The following MCPH1 variants were observed in gnomAD, a reference collection of about 807,000 sequenced individuals.
MCPH1 encodes the protein microcephalin 1.
In MCPH1, 104 loss-of-function variants were observed where a neutral mutation model predicts 84.5. The ratio of observed to expected loss-of-function variants is 1.23; its 90% CI spans 1.05 to 1.45. The LOEUF (loss-of-function observed/expected upper bound fraction) is 1.45. MCPH1 is among the 40% of genes most tolerant of loss of function. The pLI is 0.00. For synonymous variants in MCPH1, 514 were observed against 366.8 expected (o/e 1.40, Z -4.58); for missense variants, 1,498 against 1,005.7 (o/e 1.49, Z -6.62).
intron 3 of MCPH1, among the ~76,000 whole-genome samples, chr8:6,418,299 G>C (rs745705224): frequency 6.6e-6 from 1 of 152,126 alleles, no homozygotes; most frequent in African/African-American, 2.4e-5. Flanking sequence ...AAAAAGTGGT[G>C]ATGCCCAGAT....
Position 6,442,193 on chromosome 8 carries a change from G to A in MCPH1, c.670+37G>A, listed in dbSNP as rs1283100621. 5 of 1,299,480 alleles carry A rather than the reference G, an allele frequency of 3.8e-6. No individual in the cohort carries two copies. The African/African-American group carries it at 5.8e-5, about 15-fold the overall frequency. The allele number at this position is 1,299,480 out of a possible 1,614,324, so 80.5% of individuals were successfully genotyped here. On this transcript the variant is annotated intron_variant, in intron 7 of 13. Transcript: ENST00000344683. ...ATTTTCCTTTCTGTGATATGTTTAA[G>A]TTTTGAGAATAATATGATTTTCTGA...
At chr8:6,559,590 C>T (rs975699609) in intron 12 of MCPH1, among the ~76,000 whole-genome samples, 1 of 152,088 alleles carries the variant, frequency 6.6e-6, no homozygotes, top group Non-Finnish European at 1.5e-5. Flanking sequence ...TCTGTTTTAA[C>T]GTGTTCATAG....
chr8:6,413,011 A>G (rs1798758173), intron 2 of MCPH1, among the ~76,000 whole-genome samples: 1 of 152,198 alleles, frequency 6.6e-6, no homozygotes, highest in South Asian at 2.1e-4. Flanking sequence ...CATATTTCCA[A>G]GCATTGTACA....
At chr8:6,628,761 C>T (rs1366899380) in intron 13 of MCPH1, among the ~76,000 whole-genome samples, 7 of 152,198 alleles carry the variant, frequency 4.6e-5, no homozygotes, top group East Asian at 1.9e-4. Context: ...TCACAGCTGC[C>T]TTGCAGCTCT....
At chr8:6,538,644 C>A (rs1217910278) in intron 12 of MCPH1, among the ~76,000 whole-genome samples, 1 of 152,224 alleles carries the variant, frequency 6.6e-6, no homozygotes, top group African/African-American at 2.4e-5. Flanking sequence ...GTCCCACCAT[C>A]CCCCATTGCA....
intron 10 of MCPH1, 31 bp downstream of exon 10, chr8:6,477,662 T>TA: frequency 1.9e-6 from 3 of 1,592,458 alleles, no homozygotes; most frequent in Non-Finnish European, 2.6e-6. Flanking sequence ...CTGTTCAATG[T>TA]AAAATGTTAA....
chr8:6,416,118 G>A (rs1184068126), intron 3 of MCPH1, among the ~76,000 whole-genome samples: 1 of 152,166 alleles, frequency 6.6e-6, no homozygotes, highest in Non-Finnish European at 1.5e-5. Flanking sequence ...AAATGCAGGT[G>A]ATTGTTGTAT....
chr8:6,602,791 C>T (rs570906828), intron 12 of MCPH1, among the ~76,000 whole-genome samples: 23 of 152,114 alleles, frequency 1.5e-4, no homozygotes, highest in African/African-American at 5.3e-4. Flanking sequence ...CTGTTCTGAC[C>T]TCCCCACTCT....
chr8:6,615,274 C>T (rs3020259), intron 12 of MCPH1, among the ~76,000 whole-genome samples: 28 of 152,078 alleles, frequency 1.8e-4, no homozygotes, highest in Non-Finnish European at 3.4e-4. Flanking sequence ...AGTCCTCCCT[C>T]AATGCCCCAA....
intron 12 of MCPH1, among the ~76,000 whole-genome samples, chr8:6,579,744 A>C (rs529379513): frequency 6.6e-6 from 1 of 152,344 alleles, no homozygotes; most frequent in East Asian, 1.9e-4. Flanking sequence ...AGCTCTTTAC[A>C]GCCCCAAAGC....
In MCPH1 at chr8:6,644,961, C is replaced by G. The variant is rs1798142806; in HGVS notation, c.*1912C>G. On this transcript the variant is annotated 3_prime_UTR_variant, in exon 14 of 14. Coordinates refer to ENST00000344683, the MANE Select transcript of MCPH1 (RefSeq NM_024596.5). ...AAATCATCCCCTTATGATACTCATC[C>G]TCTAACAGCAATTGAACTTCAATAC... The G allele has an allele frequency of 1.3e-5, 2 of 152,182 alleles. No homozygotes were observed. Among genetic ancestry groups the G allele is most frequent in the African/African-American group, 4.8e-5 (2 of 41,436 alleles). 9.4% of individuals were successfully genotyped at this position (152,182 alleles called of 1,614,324 possible).
At chr8:6,433,380 C>T (rs1281335689) in intron 4 of MCPH1, among the ~76,000 whole-genome samples, 1 of 152,142 alleles carries the variant, frequency 6.6e-6, no homozygotes, top group African/African-American at 2.4e-5. Flanking sequence ...CACCTGTAAT[C>T]CCAGCACTTC....
chr8:6,551,387 G>T (rs759077804), intron 12 of MCPH1, among the ~76,000 whole-genome samples: 5 of 130,098 alleles, frequency 3.8e-5, no homozygotes, highest in Non-Finnish European at 7.5e-5. Context: ...TTATGTAACT[G>T]TAAACAAATT....
intron 11 of MCPH1, among the ~76,000 whole-genome samples, chr8:6,483,049 G>C (rs934600572): frequency 2.0e-5 from 3 of 152,200 alleles, no homozygotes; most frequent in Admixed American, 6.5e-5. Context: ...ACAGCAATTA[G>C]AGGTGACAGC....
chr8:6,582,668 A>G (rs1827649700), intron 12 of MCPH1, among the ~76,000 whole-genome samples: 1 of 151,876 alleles, frequency 6.6e-6, no homozygotes, highest in Non-Finnish European at 1.5e-5. Flanking sequence ...ATATCCCATT[A>G]CCCTGCCTTC....
In MCPH1 at chr8:6,559,680, A is replaced by C. The variant is rs117285986; in HGVS notation, c.2214+59751A>C. Among the ~76,000 whole-genome samples the C allele has an allele frequency of 3.7e-4, 56 of 152,326 alleles. No homozygotes were observed. In the East Asian group the frequency reaches 6.9e-3, roughly 19 times the overall value. ...TTCCATATTTCCTCTTATCAGAAAAAAAAATTCCTGTGGTCTCCTAGCAAA... is the reference window on the plus strand; with the variant it reads ...TTCCATATTTCCTCTTATCAGAAAACAAAATTCCTGTGGTCTCCTAGCAAA... On this transcript the variant is annotated intron_variant, in intron 12 of 13. Coordinates refer to ENST00000344683, the MANE Select transcript of MCPH1 (RefSeq NM_024596.5).
At chr8:6,457,789 C>G (rs552167886) in intron 9 of MCPH1, among the ~76,000 whole-genome samples, 6 of 152,132 alleles carry the variant, frequency 3.9e-5, no homozygotes, top group Non-Finnish European at 7.4e-5. Flanking sequence ...GGTTTCCCCT[C>G]TTTCGCAGGA....
At chr8:6,421,461 G>A (rs1800180587) in intron 3 of MCPH1, among the ~76,000 whole-genome samples, 1 of 151,476 alleles carries the variant, frequency 6.6e-6, no homozygotes, top group Non-Finnish European at 1.5e-5. Context: ...AGCAGAGAAT[G>A]GCCAACTATC....
chr8:6,504,231 T>C (rs1812790785), intron 12 of MCPH1, among the ~76,000 whole-genome samples: 1 of 136,406 alleles, frequency 7.3e-6, no homozygotes, highest in African/African-American at 2.8e-5. Context: ...GGCAGGAGAA[T>C]GGCGTGAACC....
Sources: allele counts gnomAD v4.1 joint callset (sites outside exome capture counted in the v4.1 genomes callset), GRCh38; gene constraint gnomAD v4.1.1; transcripts MANE v1.5; gene names NCBI Gene and HGNC (gene_info 2026-07-23, HGNC 2026-07-21).